Variants in WDR7 observed in about 807,000 individuals in gnomAD.
The protein encoded by WDR7 is WD repeat-containing protein 7.
In WDR7, 46 loss-of-function variants were observed where a neutral mutation model predicts 169.4. That is an observed-to-expected ratio of 0.27 (90% CI 0.21 to 0.35). The LOEUF (loss-of-function observed/expected upper bound fraction) is 0.35, where lower values mean the gene tolerates loss of function less well. WDR7 is among the 10% of genes least tolerant of loss of function. The probability of loss-of-function intolerance (pLI) is 1.00; values close to 1 mark genes in which losing one functional copy is unlikely to be tolerated. For synonymous variants in WDR7, 612 were observed against 666.8 expected (o/e 0.92, Z 1.27); for missense variants, 1,534 against 1,859.3 (o/e 0.83, Z 3.22).
chr18:56,796,963 C>G (rs1305771841), intron 19 of WDR7, among the ~76,000 whole-genome samples: 1 of 152,176 alleles, frequency 6.6e-6, no homozygotes, highest in Non-Finnish European at 1.5e-5. Context: ...GGACCAAAGA[C>G]TGTCTTTCCT....
intron 26 of WDR7, among the ~76,000 whole-genome samples, chr18:56,972,764 A>G (rs891195752): frequency 2.6e-5 from 4 of 152,226 alleles, no homozygotes; most frequent in African/African-American, 7.2e-5. Context: ...AAAATTTTTT[A>G]AAGAATAGTT....
chr18:56,831,035 A>T (rs906972995), intron 20 of WDR7, among the ~76,000 whole-genome samples: 2 of 152,174 alleles, frequency 1.3e-5, no homozygotes, highest in African/African-American at 4.8e-5. Flanking sequence ...TAGAAGCATG[A>T]TCTTCAGTGT....
At chr18:56,878,016 TAATA>T (rs988883839) in intron 20 of WDR7, among the ~76,000 whole-genome samples, 9 of 152,172 alleles carry the variant, frequency 5.9e-5, no homozygotes, top group South Asian at 4.1e-4. Flanking sequence ...TAATATTGCA[TAATA>T]AATATCAAAA....
At chr18:56,673,532 C>T (rs2025180238) in intron 2 of WDR7, among the ~76,000 whole-genome samples, 1 of 152,028 alleles carries the variant, frequency 6.6e-6, no homozygotes, top group Non-Finnish European at 1.5e-5. Flanking sequence ...AAACCCTGTA[C>T]CCTTTAAATG....
rs770323674 is a variant in WDR7, at chr18:56,880,001, G to A, written c.3362G>A (p.Arg1121Gln). The A allele has an allele frequency of 7.4e-6, 12 of 1,613,894 alleles. No individual in the cohort carries two copies. Among genetic ancestry groups the A allele is most frequent in the Admixed American group, 5.0e-5 (3 of 59,984 alleles). Reference sequence around the variant, plus strand: ...ATTTCTACATCTTACGAGGAAAGACGGAAGCAAGCTACCGCTATTGTTTTA... The same window carrying A: ...ATTTCTACATCTTACGAGGAAAGACAGAAGCAAGCTACCGCTATTGTTTTA... ...KKISTSYEER[R>Q]KQATAIVLLG... The change falls in exon 21 of 28, where the codon CGG becomes CAG. Residue 1121 changes from arginine (R) to glutamine (Q), a missense_variant. Arg to Gln is a conservative substitution (Grantham distance 43). Transcript: ENST00000254442.
intron 27 of WDR7, among the ~76,000 whole-genome samples, chr18:57,021,851 C>G (rs1034186861): frequency 6.6e-6 from 1 of 152,122 alleles, no homozygotes; most frequent in Non-Finnish European, 1.5e-5. Flanking sequence ...TTAAACAAGG[C>G]TTCAGCATAA....
chr18:56,811,482 A>G (rs1040125238), intron 19 of WDR7, among the ~76,000 whole-genome samples: 1 of 152,142 alleles, frequency 6.6e-6, no homozygotes, highest in African/African-American at 2.4e-5. Flanking sequence ...GTAGAACAAA[A>G]GTCTAAAAAT....
intron 21 of WDR7, among the ~76,000 whole-genome samples, chr18:56,882,054 A>G (rs2046115950): frequency 6.6e-6 from 1 of 152,150 alleles, no homozygotes; most frequent in Non-Finnish European, 1.5e-5. Context: ...ACCTGGGCAC[A>G]TTACTCTCCC....
At chr18:56,957,593 C>T (rs1206889950) in intron 25 of WDR7, 1 of 152,054 alleles carries the variant, frequency 6.6e-6, no homozygotes, top group Non-Finnish European at 1.5e-5. Flanking sequence ...AAAAACAACT[C>T]AATAAGAATT....
intron 26 of WDR7, among the ~76,000 whole-genome samples, chr18:57,017,412 CTGTGTG>C (rs10571337): frequency 0.013 from 1,878 of 143,462 alleles, 35 homozygotes; most frequent in African/African-American, 0.044. Flanking sequence ...CAGCATCATG[CTGTGTG>C]TGTGTGTGTG....
intron 19 of WDR7, among the ~76,000 whole-genome samples, chr18:56,793,445 A>C (rs570571059): frequency 6.6e-6 from 1 of 152,332 alleles, no homozygotes; most frequent in African/African-American, 2.4e-5. Flanking sequence ...TCTCTTTTCA[A>C]GGCATAGTAA....
intron 21 of WDR7, among the ~76,000 whole-genome samples, chr18:56,891,678 T>C (rs2046265877): frequency 6.6e-6 from 1 of 152,160 alleles, no homozygotes; most frequent in Non-Finnish European, 1.5e-5. Context: ...ATAAACACTC[T>C]GAATCCAGAT....
chr18:56,864,731 A>G (rs1341511982), intron 20 of WDR7, among the ~76,000 whole-genome samples: 1 of 151,918 alleles, frequency 6.6e-6, no homozygotes, highest in Non-Finnish European at 1.5e-5. Context: ...TGAGATGATC[A>G]TATATTGAAA....
chr18:56,809,101 A>C (rs1235048049), intron 19 of WDR7, among the ~76,000 whole-genome samples: 2 of 151,940 alleles, frequency 1.3e-5, no homozygotes, highest in African/African-American at 4.8e-5. Context: ...TTTCCTCCTG[A>C]TGCATGATAT....
At chr18:57,001,722 A>C (rs1415227829) in intron 26 of WDR7, among the ~76,000 whole-genome samples, 1 of 152,090 alleles carries the variant, frequency 6.6e-6, no homozygotes, top group African/African-American at 2.4e-5. Context: ...CCTGACAATC[A>C]CCAATCTTTC....
intron 7 of WDR7, among the ~76,000 whole-genome samples, chr18:56,690,738 C>T (rs927699297): frequency 6.6e-6 from 1 of 151,992 alleles, no homozygotes; most frequent in African/African-American, 2.4e-5. Flanking sequence ...TCACTTGAGC[C>T]CAGGAGTTTG....
intron 21 of WDR7, among the ~76,000 whole-genome samples, chr18:56,889,415 T>C (rs143099751): frequency 1.1e-4 from 17 of 152,338 alleles, no homozygotes; most frequent in Non-Finnish European, 2.2e-4. Flanking sequence ...CATTTACTGT[T>C]TGCCAGACAT....
chr18:56,981,749 C>T (rs965439658), intron 26 of WDR7, among the ~76,000 whole-genome samples: 1 of 152,164 alleles, frequency 6.6e-6, no homozygotes, highest in Non-Finnish European at 1.5e-5. Flanking sequence ...AAAGCAAGCT[C>T]TGTGCAGTAG....
chr18:56,727,875 C>T (rs1219365686), intron 13 of WDR7, among the ~76,000 whole-genome samples: 1 of 152,134 alleles, frequency 6.6e-6, no homozygotes, highest in Non-Finnish European at 1.5e-5. Context: ...AGACTTTATT[C>T]CAACTTTTCC....
Sources: allele counts gnomAD v4.1 joint callset (sites outside exome capture counted in the v4.1 genomes callset), GRCh38; gene constraint gnomAD v4.1.1; transcripts MANE v1.5; gene names NCBI Gene and HGNC (gene_info 2026-07-23, HGNC 2026-07-21).